The following C6 variants were observed in gnomAD, a reference collection of about 807,000 sequenced individuals.
The protein encoded by C6 is complement C6.
C6 carries 101 observed loss-of-function variants against 112.9 expected under a neutral mutation model. The ratio of observed to expected loss-of-function variants is 0.89; its 90% confidence interval spans 0.76 to 1.06. The LOEUF (loss-of-function observed/expected upper bound fraction) is 1.06. C6 is among the 50% of genes least tolerant of loss of function. The probability of loss-of-function intolerance (pLI) is 0.00; values close to 1 mark genes in which losing one functional copy is unlikely to be tolerated. For synonymous variants in C6, 431 were observed against 384.1 expected (o/e 1.12, Z -1.43); for missense variants, 1,202 against 1,104.6 (o/e 1.09, Z -1.25).
chr5:41,205,627 C>T (rs971137083), intron 1 of C6, among the ~76,000 whole-genome samples: 2 of 152,224 alleles, frequency 1.3e-5, no homozygotes, highest in African/African-American at 2.4e-5. Flanking sequence ...TCACAGCTAG[C>T]ACAGCAGTCT....
intron 4 of C6, among the ~76,000 whole-genome samples, chr5:41,197,192 A>G (rs530105952): frequency 6.6e-6 from 1 of 152,252 alleles, no homozygotes; most frequent in East Asian, 1.9e-4. Context: ...ATCTTCACTT[A>G]GAAGGTAGAG....
intron 17 of C6, among the ~76,000 whole-genome samples, chr5:41,144,645 T>G (rs1054472197): frequency 3.3e-5 from 5 of 152,184 alleles, no homozygotes; most frequent in African/African-American, 1.2e-4. Flanking sequence ...TATAGGTAAA[T>G]TGAATCCATA....
chr5:41,231,162 A>T (rs1303476815), intron 1 of C6, among the ~76,000 whole-genome samples: 2 of 152,082 alleles, frequency 1.3e-5, no homozygotes, highest in East Asian at 3.9e-4. Flanking sequence ...TTATCCACTT[A>T]GCTACTCTTT....
intron 4 of C6, among the ~76,000 whole-genome samples, chr5:41,197,141 G>T (rs1750680738): frequency 1.3e-5 from 2 of 152,074 alleles, no homozygotes; most frequent in African/African-American, 2.4e-5. Context: ...TTAATAGTGG[G>T]TTCCCAAGAA....
intron 1 of C6, among the ~76,000 whole-genome samples, chr5:41,233,723 G>C (rs891032536): frequency 1.3e-5 from 2 of 151,930 alleles, no homozygotes; most frequent in Admixed American, 1.3e-4. Context: ...GAATAAAAAA[G>C]ACCTATCTAA....
rs747040880 is a variant in C6 at position 41,142,916 on chromosome 5, C to T, written c.2714G>A (p.Ser905Asn). ...TTCACAGATGTTCAATGTTTTCTCA[C>T]TTGTTGATGATCCCATTTTGACACA... ...LYCVKMGSST[S>N]EKTLNICEVG... The change falls in exon 18 of 18, where the codon AGT becomes AAT. Residue 905 changes from serine to asparagine, a missense_variant. Ser to Asn is a conservative substitution (Grantham distance 46). Transcript: ENST00000337836. 4 of 1,613,442 alleles carry T rather than the reference C, an allele frequency of 2.5e-6. No individual in the cohort carries two copies. The highest frequency in any genetic ancestry group is 3.4e-6 in the Non-Finnish European group (4 of 1,179,672).
intron 9 of C6, among the ~76,000 whole-genome samples, chr5:41,169,145 G>T (rs1182549464): frequency 1.3e-5 from 2 of 152,156 alleles, no homozygotes; most frequent in Non-Finnish European, 2.9e-5. Context: ...GCCAGTGCAT[G>T]ATTGTGAGAA....
In C6 at chr5:41,198,843, T is replaced by C. The variant is rs1434290974; in HGVS notation, c.445+925A>G. On this transcript the variant is annotated intron_variant, in intron 4 of 17. Coordinates refer to ENST00000337836, the MANE Select transcript of C6 (RefSeq NM_000065.5). ...AATAGTTATACTTCAGTTCTAGAGC[T>C]TGATTTTGATACTCTGGATATAATG... 2.0e-5 allele frequency among the ~76,000 whole-genome samples: 3 copies of C among 152,172 alleles called. No homozygotes were observed. The East Asian group carries it at 5.8e-4, about 29-fold the overall frequency.
Position 41,176,733 on chromosome 5 carries a change from G to T in C6, c.928-18C>A, listed in dbSNP as rs753977302. 1 of 1,602,614 alleles carries T rather than the reference G, an allele frequency of 6.2e-7. No homozygotes were observed. The highest frequency in any genetic ancestry group is 2.2e-5 in the East Asian group (1 of 44,668). On this transcript the variant is annotated intron_variant, in intron 7 of 17. Coordinates refer to ENST00000337836, the MANE Select transcript of C6 (RefSeq NM_000065.5). ...CTAGAATCCTAAATGGAAGAAAGAA[G>T]TAAAAAGATGATTAAAGGTAATGAA...
intron 4 of C6, among the ~76,000 whole-genome samples, chr5:41,196,245 G>T (rs893484694): frequency 1.3e-5 from 2 of 151,778 alleles, no homozygotes; most frequent in South Asian, 4.2e-4. Flanking sequence ...ATTAACAAGA[G>T]GTTCAGAATT....
intron 1 of C6, among the ~76,000 whole-genome samples, chr5:41,245,380 G>A (rs2150431038): frequency 6.6e-6 from 1 of 152,192 alleles, no homozygotes; most frequent in East Asian, 1.9e-4. Flanking sequence ...AAATTAGCTG[G>A]GCGTGGTGGC....
At chr5:41,167,322 T>G (rs1486449903) in intron 9 of C6, among the ~76,000 whole-genome samples, 1 of 152,152 alleles carries the variant, frequency 6.6e-6, no homozygotes, top group Non-Finnish European at 1.5e-5. Flanking sequence ...GAGCCACACA[T>G]TTTAGGATTC....
rs1207371374 is a variant in C6 at position 41,149,491 on chromosome 5, G to A, written c.2382-9C>T. ...GATCTTCTGAATGATGGCTGCCCAA[G>A]AGAGGAAAGCAAGCATTTCTATATG... On this transcript the variant is annotated splice_polypyrimidine_tract_variant and intron_variant, in intron 16 of 17. Coordinates refer to ENST00000337836, the MANE Select transcript of C6 (RefSeq NM_000065.5). The A allele has an allele frequency of 1.2e-6, 2 of 1,613,834 alleles. No individual in the cohort carries two copies. Among genetic ancestry groups the A allele is most frequent in the Admixed American group, 3.3e-5 (2 of 60,000 alleles).
chr5:41,174,346 C>A (rs929066225), intron 8 of C6, among the ~76,000 whole-genome samples: 33 of 152,266 alleles, frequency 2.2e-4, no homozygotes, highest in African/African-American at 7.5e-4. Context: ...CTGTGGAGCA[C>A]AGGAATGAGT....
rs143443464 is a variant in C6 at position 41,200,891 on chromosome 5, G to GTTTTTTTTTT, written c.300+657_300+666dup. 2.8e-3 allele frequency among the ~76,000 whole-genome samples: 195 copies of GTTTTTTTTTT among 70,634 alleles called. 11 individuals are homozygous for GTTTTTTTTTT. Among genetic ancestry groups the GTTTTTTTTTT allele is most frequent in the Middle Eastern group, 0.011 (1 of 92 alleles). 46.3% of individuals were successfully genotyped at this position (70,634 alleles called of 152,430 possible). A position where few individuals can be genotyped will look rare whatever the true frequency, so the allele number is the denominator to read the frequency against. ...TGTTTTTGTTGTTGTTGTTGTTGTT[G>GTTTTTTTTTT]TTTTTTTTTTTTTTTTTTTTTTTTT... On this transcript the variant is annotated intron_variant, in intron 3 of 17. Transcript: ENST00000337836.
chr5:41,218,550 C>G (rs911153823), intron 1 of C6, among the ~76,000 whole-genome samples: 7 of 152,100 alleles, frequency 4.6e-5, no homozygotes, highest in African/African-American at 1.7e-4. Context: ...CTTTCTGCCT[C>G]TTTTTTTCCT....
At chr5:41,167,671 A>T (rs964999431) in intron 9 of C6, among the ~76,000 whole-genome samples, 1 of 152,184 alleles carries the variant, frequency 6.6e-6, no homozygotes, top group Non-Finnish European at 1.5e-5. Context: ...TTATCATAAC[A>T]TAGCTGAATA....
chr5:41,222,178 C>G (rs1199016689), intron 1 of C6, among the ~76,000 whole-genome samples: 1 of 146,320 alleles, frequency 6.8e-6, no homozygotes, highest in Non-Finnish European at 1.5e-5. Flanking sequence ...AAAAAAAAAA[C>G]AAAAAAAAGA....
chr5:41,194,053 C>A (rs2150351111), intron 5 of C6, among the ~76,000 whole-genome samples: 1 of 152,150 alleles, frequency 6.6e-6, no homozygotes, highest in Middle Eastern at 3.4e-3. Flanking sequence ...GTGGTCCTCC[C>A]CATCTGTAAC....
Sources: allele counts gnomAD v4.1 joint callset (sites outside exome capture counted in the v4.1 genomes callset), GRCh38; gene constraint gnomAD v4.1.1; transcripts MANE v1.5; gene names NCBI Gene and HGNC (gene_info 2026-07-23, HGNC 2026-07-21).